The following EFCAB13 variants were observed in gnomAD, a reference collection of about 807,000 sequenced individuals.
The protein encoded by EFCAB13 is EF-hand calcium-binding domain-containing protein 13.
A neutral mutation model predicts 110.2 loss-of-function variants in EFCAB13; 91 were observed. The ratio of observed to expected loss-of-function variants is 0.83; its 90% CI spans 0.70 to 0.98. EFCAB13 has a LOEUF of 0.98. Among genes scored for constraint, EFCAB13 ranks in the 50% least tolerant of loss-of-function variants. The probability of loss-of-function intolerance (pLI) is 0.00; values close to 1 mark genes in which losing one functional copy is unlikely to be tolerated. For synonymous variants in EFCAB13, 323 were observed against 369.9 expected, an observed-to-expected ratio of 0.87 and a Z score of 1.45; for missense variants, 968 against 1,119.4, an observed-to-expected ratio of 0.86 and a Z score of 1.93.
chr17:47,432,825 T>TA (rs1013883359), intron 24 of EFCAB13, among the ~76,000 whole-genome samples: 2 of 152,146 alleles, frequency 1.3e-5, no homozygotes, highest in Admixed American at 6.6e-5. Flanking sequence ...GTTAGTGTCT[T>TA]AAAAAATGTT....
intron 8 of EFCAB13, among the ~76,000 whole-genome samples, chr17:47,346,992 C>T (rs142027680): frequency 2.2e-4 from 33 of 152,270 alleles, no homozygotes; most frequent in African/African-American, 6.5e-4. Context: ...GGTGAGGTGG[C>T]TCATGCCTGT....
chr17:47,377,350 CAG>C (rs2065621802), intron 12 of EFCAB13, among the ~76,000 whole-genome samples: 1 of 152,026 alleles, frequency 6.6e-6, no homozygotes, highest in African/African-American at 2.4e-5. Flanking sequence ...TTAGTAGAGA[CAG>C]GGTTTCACCA....
intron 2 of EFCAB13, among the ~76,000 whole-genome samples, chr17:47,325,257 C>A (rs749440493): frequency 3.5e-4 from 53 of 151,354 alleles, no homozygotes; most frequent in Admixed American, 3.5e-3. Flanking sequence ...TTAAGCAGCC[C>A]TCCTGCTTAG....
At chr17:47,362,292 T>G (rs2065518625) in intron 10 of EFCAB13, among the ~76,000 whole-genome samples, 1 of 151,924 alleles carries the variant, frequency 6.6e-6, no homozygotes, top group African/African-American at 2.4e-5. Context: ...CATACAGAGA[T>G]AGGAGCTGAG....
intron 19 of EFCAB13, among the ~76,000 whole-genome samples, 186 bp from the exon 20 acceptor site, chr17:47,404,376 C>A (rs2065794581): frequency 6.6e-6 from 1 of 152,124 alleles, no homozygotes; most frequent in African/African-American, 2.4e-5. Flanking sequence ...TAGGTAGAAT[C>A]AGAACTTAGT....
intron 13 of EFCAB13, 97 bp from the exon 14 acceptor site, chr17:47,379,085 G>T: frequency 1.2e-6 from 1 of 812,300 alleles, no homozygotes; most frequent in Non-Finnish European, 2.0e-6. Context: ...TGAAATGAAG[G>T]ATCAAGTAAA....
intron 15 of EFCAB13, among the ~76,000 whole-genome samples, chr17:47,393,085 G>A (rs529848218): frequency 6.6e-6 from 1 of 151,548 alleles, no homozygotes; most frequent in East Asian, 2.0e-4. Context: ...CAAAGTTTAG[G>A]TCATAATGAG....
At chr17:47,391,053 C>T (rs1339306470) in intron 14 of EFCAB13, among the ~76,000 whole-genome samples, 1 of 152,112 alleles carries the variant, frequency 6.6e-6, no homozygotes, top group Admixed American at 6.5e-5. Flanking sequence ...AATTCTCCTA[C>T]CTCAGCCTCC....
At chr17:47,424,218 G>A (rs866786968) in intron 23 of EFCAB13, among the ~76,000 whole-genome samples, 1 of 152,210 alleles carries the variant, frequency 6.6e-6, no homozygotes. Context: ...GGCTGTGCAG[G>A]GGGGCTGCGG....
chr17:47,412,019 A>T (rs1041700674), intron 21 of EFCAB13, among the ~76,000 whole-genome samples: 1 of 152,242 alleles, frequency 6.6e-6, no homozygotes, highest in African/African-American at 2.4e-5. Flanking sequence ...GGCATGAACC[A>T]GGAAGCAGAG....
chr17:47,395,647 A>C (rs1454751136), intron 16 of EFCAB13, among the ~76,000 whole-genome samples, 187 bp from the exon 17 acceptor site: 3 of 152,152 alleles, frequency 2.0e-5, no homozygotes, highest in Non-Finnish European at 4.4e-5. Context: ...ATCCTCAAAA[A>C]TACATTATAT....
intron 5 of EFCAB13, among the ~76,000 whole-genome samples, chr17:47,341,225 A>C (rs2065382741): frequency 6.6e-6 from 1 of 152,226 alleles, no homozygotes; most frequent in Non-Finnish European, 1.5e-5. Context: ...ATTTCAGTCA[A>C]TTATGATGCT....
chr17:47,429,110 A>G (rs947986554), intron 23 of EFCAB13, among the ~76,000 whole-genome samples: 1 of 152,176 alleles, frequency 6.6e-6, no homozygotes, highest in African/African-American at 2.4e-5. Flanking sequence ...TATTTATACA[A>G]TATTCTCAAC....
rs755262450 is a variant in EFCAB13, at chr17:47,402,172, A to C, written c.1986A>C (p.Val662=). 76 of 1,613,844 alleles carry C rather than the reference A, an allele frequency of 4.7e-5. 1 individual carries two copies. Among genetic ancestry groups the C allele is most frequent in the Non-Finnish European group, 4.2e-6 (5 of 1,179,892 alleles). Residue 662 remains valine (V), a synonymous_variant, in exon 18 of 25, where the codon GTA becomes GTC. Transcript: ENST00000331493. ...AATTTGAAGAATTTGCAAAAGTAGT[A>C]AGGAATATGCGTGATGCTGCCAGGT... The part of the protein sequence containing the change: ...KVQFEEFAKV[V]RNMRDAARLE...
At chr17:47,359,282 C>T (rs1305543893) in intron 9 of EFCAB13, among the ~76,000 whole-genome samples, 1 of 151,872 alleles carries the variant, frequency 6.6e-6, no homozygotes, top group Non-Finnish European at 1.5e-5. Flanking sequence ...TGCAGTAAGC[C>T]GAGATCGTGT....
At chr17:47,386,206 C>T (rs2065675021) in intron 14 of EFCAB13, among the ~76,000 whole-genome samples, 1 of 152,192 alleles carries the variant, frequency 6.6e-6, no homozygotes. Flanking sequence ...TCAGAGTCAG[C>T]AGGCAGGAAC....
At chr17:47,390,477 G>T (rs2065700730) in intron 14 of EFCAB13, among the ~76,000 whole-genome samples, 1 of 152,030 alleles carries the variant, frequency 6.6e-6, no homozygotes, top group South Asian at 2.1e-4. Flanking sequence ...CAGTATATTT[G>T]TAAGTAATTT....
intron 20 of EFCAB13, among the ~76,000 whole-genome samples, chr17:47,405,646 C>G (rs1210378681): frequency 6.6e-6 from 1 of 151,688 alleles, no homozygotes; most frequent in African/African-American, 2.4e-5. Flanking sequence ...GCCCTATGCA[C>G]TTCTAATTCT....
intron 9 of EFCAB13, among the ~76,000 whole-genome samples, chr17:47,348,602 AC>A (rs2065431245): frequency 6.6e-6 from 1 of 151,938 alleles, no homozygotes; most frequent in African/African-American, 2.4e-5. Context: ...TGCTCTTGCC[AC>A]CCTTGAATTG....
Sources: allele counts gnomAD v4.1 joint callset (sites outside exome capture counted in the v4.1 genomes callset), GRCh38; gene constraint gnomAD v4.1.1; transcripts MANE v1.5; gene names NCBI Gene and HGNC (gene_info 2026-07-23, HGNC 2026-07-21).